SDK2: variants seen among roughly 807,000 people sequenced by gnomAD.
SDK2 encodes the protein sidekick cell adhesion molecule 2, also known as protein sidekick-2.
A neutral mutation model predicts 253.9 loss-of-function variants in SDK2; 105 were observed. The observed-to-expected ratio is 0.41, with a 90% CI of 0.35 to 0.49. The LOEUF is 0.49. SDK2 is among the 20% of genes least tolerant of loss of function. The pLI, the probability that SDK2 is intolerant of heterozygous loss-of-function variation, is 0.06. For synonymous variants in SDK2, 1,249 were observed against 1,234.9 expected, an observed-to-expected ratio of 1.01 and a Z score of -0.24; for missense variants, 2,608 against 3,003.0, an observed-to-expected ratio of 0.87 and a Z score of 3.07.
intron 2 of SDK2, among the ~76,000 whole-genome samples, chr17:73,482,689 A>G (rs756938973): frequency 6.6e-6 from 1 of 152,270 alleles, no homozygotes; most frequent in Non-Finnish European, 1.5e-5. Flanking sequence ...GTGATCCATC[A>G]GCCCAGTGGT....
In SDK2 at chr17:73,361,580, C is replaced by T; in HGVS notation, c.5467+104G>A. On this transcript the variant is annotated intron_variant, in intron 39 of 44. Transcript: ENST00000392650. This position sits in a 1 kb window ranked among gnomAD's most constrained non-coding sequence, Gnocchi z 4.1. ...GGGAAAGAGTGAGCTCTGTCCTCCA[C>T]TCTGTTTCCAGGGTCCAGCACAGCT... 1 of 918,538 alleles carries T rather than the reference C, an allele frequency of 1.1e-6. No homozygotes were observed. The allele number at this position is 918,538 out of a possible 1,614,324, so 56.9% of individuals were successfully genotyped here. A position where few individuals can be genotyped will look rare whatever the true frequency, so the allele number is the denominator to read the frequency against.
chr17:73,393,614 T>C lies in SDK2; in HGVS notation c.3844A>G (p.Ile1282Val), dbSNP rs750130926. ...YEVQVLAFTR[I>V]GDGSPSHPPI... ...GGGTGGCTGGGGCTGCCGTCCCCGA[T>C]GCGTGTGAAGGCCAGCACCTGGACT... Residue 1282 changes from isoleucine to valine, a missense_variant, in exon 27 of 45, where the codon ATC (isoleucine) becomes GTC (valine). Coordinates refer to ENST00000392650, the MANE Select transcript of SDK2 (RefSeq NM_001144952.2). The C allele has an allele frequency of 1.3e-6, 2 of 1,587,950 alleles. No homozygotes were observed. Among genetic ancestry groups the C allele is most frequent in the Non-Finnish European group, 8.6e-7 (1 of 1,161,374 alleles).
chr17:73,365,977 C>A (rs1273572096), intron 37 of SDK2, among the ~76,000 whole-genome samples: 1 of 152,112 alleles, frequency 6.6e-6, no homozygotes, highest in African/African-American at 2.4e-5. Flanking sequence ...GACCAAGAAC[C>A]CTGTGGCAAC....
intron 1 of SDK2, among the ~76,000 whole-genome samples, chr17:73,569,803 G>C (rs576565800): frequency 1.3e-5 from 2 of 152,162 alleles, no homozygotes; most frequent in Admixed American, 6.5e-5. Context: ...CCCCCGCAAA[G>C]GTCCTCAGAA....
intron 1 of SDK2, among the ~76,000 whole-genome samples, chr17:73,559,215 G>A (rs1006405218): frequency 1.3e-5 from 2 of 152,160 alleles, no homozygotes; most frequent in Non-Finnish European, 2.9e-5. Context: ...ACGAAGGACA[G>A]AGCATGCCTG....
chr17:73,458,743 C>T (rs576695638), intron 3 of SDK2, among the ~76,000 whole-genome samples: 20 of 152,318 alleles, frequency 1.3e-4, no homozygotes, highest in African/African-American at 3.8e-4. Context: ...CAGTGGCTCA[C>T]GCCTGTAATC....
chr17:73,451,501 T>G (rs1381419733), intron 4 of SDK2, among the ~76,000 whole-genome samples: 2 of 151,968 alleles, frequency 1.3e-5, no homozygotes, highest in African/African-American at 4.8e-5. Context: ...CGAAAATCCA[T>G]CTCAAAACAA....
chr17:73,561,444 G>A lies in SDK2; in HGVS notation c.65-53847C>T, dbSNP rs532617722. The stretch of plus-strand genomic sequence containing the variant: ...AATGGTGACGTGGCTGCAGAGTTGT[G>A]GCCAAGAAGCCATGGTTCTCTGGGC... On this transcript the variant is annotated intron_variant, in intron 1 of 44. Coordinates refer to ENST00000392650, the MANE Select transcript of SDK2 (RefSeq NM_001144952.2). 3.9e-5 allele frequency among the ~76,000 whole-genome samples: 6 copies of A among 152,316 alleles called. No homozygotes were observed. In the South Asian group the frequency reaches 1.2e-3, roughly 32 times the overall value.
intron 30 of SDK2, 93 bp downstream of exon 30, chr17:73,387,743 T>G (rs1599510866): frequency 8.7e-7 from 1 of 1,150,388 alleles, no homozygotes. Context: ...AGGCTGGAGG[T>G]GTTTTCAGAA....
At chr17:73,366,461 G>A (rs1359801116) in intron 37 of SDK2, among the ~76,000 whole-genome samples, 1 of 152,170 alleles carries the variant, frequency 6.6e-6, no homozygotes, top group African/African-American at 2.4e-5. Context: ...CCCAGAGAGG[G>A]TCATAATGAG....
At chr17:73,342,353 C>T (rs968058706) in intron 44 of SDK2, among the ~76,000 whole-genome samples, 1 of 152,174 alleles carries the variant, frequency 6.6e-6, no homozygotes, top group Admixed American at 6.5e-5. Context: ...TGCCTACTGC[C>T]CAGCTGCCCG....
At position 73,449,758 on chromosome 17, in the gene SDK2, T is replaced by G. The variant is rs1033441742; in HGVS notation, c.480-2010A>C. Among the ~76,000 whole-genome samples, 6 of 152,044 alleles carry G rather than the reference T, an allele frequency of 3.9e-5. No individual in the cohort carries two copies. In the East Asian group the frequency reaches 9.7e-4, roughly 25 times the overall value. On this transcript the variant is annotated intron_variant, in intron 4 of 44. Transcript: ENST00000392650. ...CAATATGGAGAAACCCTGTCTCTACTAAAAATACAAAATTAGCCGGGTGTG... is the reference window on the plus strand; with the variant it reads ...CAATATGGAGAAACCCTGTCTCTACGAAAAATACAAAATTAGCCGGGTGTG...
intron 18 of SDK2, 56 bp downstream of exon 18, chr17:73,414,588 C>A (rs1006838216): frequency 7.2e-5 from 100 of 1,393,478 alleles, no homozygotes; most frequent in Non-Finnish European, 9.9e-5. Flanking sequence ...CCCCTCTCCC[C>A]ACCCCCTCCA....
intron 18 of SDK2, among the ~76,000 whole-genome samples, chr17:73,405,269 G>A (rs1307764626): frequency 7.7e-6 from 1 of 129,338 alleles, no homozygotes; most frequent in Non-Finnish European, 1.6e-5. Flanking sequence ...GTGAAACCCC[G>A]TCTCTACTAA....
intron 18 of SDK2, among the ~76,000 whole-genome samples, chr17:73,404,474 C>T (rs555842958): frequency 6.6e-5 from 10 of 152,162 alleles, no homozygotes; most frequent in Non-Finnish European, 1.3e-4. Context: ...TACCGTGTGC[C>T]TGGCCTTATT....
intron 36 of SDK2, among the ~76,000 whole-genome samples, chr17:73,374,723 C>T (rs2062763673): frequency 6.6e-6 from 1 of 151,916 alleles, no homozygotes; most frequent in African/African-American, 2.4e-5. Context: ...CCGCCTTGGG[C>T]TCCCAAAGTG....
intron 1 of SDK2, among the ~76,000 whole-genome samples, chr17:73,572,005 G>C (rs1205806156): frequency 6.6e-6 from 1 of 152,204 alleles, no homozygotes; most frequent in Non-Finnish European, 1.5e-5. Flanking sequence ...GGCCAGGCGG[G>C]TGCCCACAGA....
At chr17:73,468,254 T>C (rs2063617274) in intron 3 of SDK2, among the ~76,000 whole-genome samples, 1 of 152,196 alleles carries the variant, frequency 6.6e-6, no homozygotes, top group Admixed American at 6.5e-5. Context: ...GGTGATAATA[T>C]AGAGTATTAA....
intron 40 of SDK2, among the ~76,000 whole-genome samples, chr17:73,355,503 ATTTTATT>A (rs987309428): frequency 5.9e-5 from 9 of 151,772 alleles, no homozygotes; most frequent in African/African-American, 1.7e-4. Context: ...AAGCCCAGCT[ATTTTATT>A]TTTTATTTTT....
Sources: allele counts gnomAD v4.1 joint callset (sites outside exome capture counted in the v4.1 genomes callset), GRCh38; gene constraint gnomAD v4.1.1; non-coding constraint Gnocchi (gnomAD v3.1); transcripts MANE v1.5; gene names NCBI Gene and HGNC (gene_info 2026-07-23, HGNC 2026-07-21).